Variants in MAP2K6 observed in about 807,000 individuals in gnomAD.
MAP2K6 encodes mitogen-activated protein kinase kinase 6.
A neutral mutation model predicts 53.7 loss-of-function variants in MAP2K6; 16 were observed. The observed-to-expected ratio is 0.30, with a 90% CI of 0.20 to 0.45. The LOEUF (loss-of-function observed/expected upper bound fraction) is 0.45, where lower values mean the gene tolerates loss of function less well. Among genes scored for constraint, MAP2K6 ranks in the 20% least tolerant of loss-of-function variants. The probability of loss-of-function intolerance (pLI) is 1.00; values close to 1 mark genes in which losing one functional copy is unlikely to be tolerated. For synonymous variants in MAP2K6, 132 were observed against 143.1 expected, an observed-to-expected ratio of 0.92 and a Z score of 0.55; for missense variants, 204 against 411.9, an observed-to-expected ratio of 0.50 and a Z score of 4.37.
At chr17:69,530,597 A>G (rs1911031504) in intron 10 of MAP2K6, among the ~76,000 whole-genome samples, 1 of 152,178 alleles carries the variant, frequency 6.6e-6, no homozygotes, top group South Asian at 2.1e-4. Context: ...CTTTTTCAGC[A>G]TGCAAGCTCT....
rs1489762735 is a variant in MAP2K6 at position 69,519,593 on chromosome 17, G to A, written c.366+161G>A. The A allele has an allele frequency of 1.6e-5, 12 of 747,010 alleles. No homozygotes were observed. In the Admixed American group the frequency reaches 2.9e-4, roughly 18 times the overall value. 46.3% of individuals were successfully genotyped at this position (747,010 alleles called of 1,614,324 possible). A position where few individuals can be genotyped will look rare whatever the true frequency, so the allele number is the denominator to read the frequency against. On this transcript the variant is annotated intron_variant, in intron 5 of 11. Coordinates refer to ENST00000590474, the MANE Select transcript of MAP2K6 (RefSeq NM_002758.4). ...CAATGATGACATGCCCTGGAGCAAG[G>A]TTGGATTGAAATTATGGTATTTTCA... is the stretch of plus-strand genomic sequence containing the variant.
At chr17:69,441,304 A>G (rs896473656) in intron 1 of MAP2K6, among the ~76,000 whole-genome samples, 1 of 151,992 alleles carries the variant, frequency 6.6e-6, no homozygotes, top group African/African-American at 2.4e-5. Flanking sequence ...TATGTCCCTG[A>G]AGATTTTTTT....
chr17:69,485,739 T>C (rs1214297227), intron 1 of MAP2K6, among the ~76,000 whole-genome samples: 1 of 152,178 alleles, frequency 6.6e-6, no homozygotes, highest in African/African-American at 2.4e-5. Context: ...ACCTGTCTCC[T>C]GTGTTCTTGA....
At chr17:69,487,988 T>C (rs1460133372) in intron 1 of MAP2K6, among the ~76,000 whole-genome samples, 1 of 152,124 alleles carries the variant, frequency 6.6e-6, no homozygotes, top group Non-Finnish European at 1.5e-5. Context: ...AGCTTCTGTA[T>C]AGCAAAAGAA....
At chr17:69,426,948 A>G (rs991307470) in intron 1 of MAP2K6, among the ~76,000 whole-genome samples, 11 of 152,228 alleles carry the variant, frequency 7.2e-5, no homozygotes, top group Admixed American at 2.0e-4. Context: ...GGAATATATC[A>G]TATCTCATAC....
At chr17:69,540,108 C>T (rs1448677922) in intron 11 of MAP2K6, among the ~76,000 whole-genome samples, 1 of 152,144 alleles carries the variant, frequency 6.6e-6, no homozygotes, top group Non-Finnish European at 1.5e-5. Flanking sequence ...TGTTCCTTTC[C>T]CATTTGCATT....
chr17:69,423,162 C>T (rs947902268), intron 1 of MAP2K6, among the ~76,000 whole-genome samples: 3 of 152,134 alleles, frequency 2.0e-5, no homozygotes, highest in Admixed American at 1.3e-4. Context: ...GGATTACAGG[C>T]GTGAGCCATC....
chr17:69,500,635 A>G (rs1267537678), intron 1 of MAP2K6, among the ~76,000 whole-genome samples: 1 of 151,928 alleles, frequency 6.6e-6, no homozygotes, highest in East Asian at 1.9e-4. Context: ...GGGCACCTGT[A>G]ATCCCAGCTA....
At chr17:69,513,906 G>C (rs928507475) in intron 2 of MAP2K6, among the ~76,000 whole-genome samples, 1 of 152,158 alleles carries the variant, frequency 6.6e-6, no homozygotes, top group Non-Finnish European at 1.5e-5. Flanking sequence ...CTTGAGGTCA[G>C]GAGTTTGAGA....
intron 1 of MAP2K6, among the ~76,000 whole-genome samples, chr17:69,488,644 T>C (rs1908635335): frequency 6.6e-6 from 1 of 152,124 alleles, no homozygotes; most frequent in African/African-American, 2.4e-5. Context: ...AGCAAGTCAG[T>C]GCAGGAACAG....
intron 4 of MAP2K6, among the ~76,000 whole-genome samples, chr17:69,519,047 A>G (rs1910325486): frequency 6.6e-6 from 1 of 152,232 alleles, no homozygotes; most frequent in Non-Finnish European, 1.5e-5. Context: ...TTGTTTTCAT[A>G]CCTTGGAAAT....
intron 9 of MAP2K6, among the ~76,000 whole-genome samples, chr17:69,525,561 C>G (rs1262494474): frequency 6.6e-6 from 1 of 152,184 alleles, no homozygotes; most frequent in African/African-American, 2.4e-5. Context: ...GGGGAGGCCT[C>G]ACGATCATGG....
chr17:69,507,124 A>G (rs1471158659), intron 2 of MAP2K6, among the ~76,000 whole-genome samples: 1 of 151,982 alleles, frequency 6.6e-6, no homozygotes, highest in Admixed American at 6.6e-5. Flanking sequence ...TACTTTTAAA[A>G]CTTTTTATTT....
At chr17:69,476,247 A>T (rs1333585229) in intron 1 of MAP2K6, among the ~76,000 whole-genome samples, 2 of 152,126 alleles carry the variant, frequency 1.3e-5, no homozygotes, top group Non-Finnish European at 2.9e-5. Flanking sequence ...AAGAAATGAG[A>T]TCCCAATAAC....
At chr17:69,471,240 G>A (rs574351305) in intron 1 of MAP2K6, among the ~76,000 whole-genome samples, 38 of 152,164 alleles carry the variant, frequency 2.5e-4, no homozygotes, top group Non-Finnish European at 5.3e-4. Flanking sequence ...CATTCAAAAT[G>A]TCAACTTTAC....
chr17:69,459,773 CA>C (rs1478373045), intron 1 of MAP2K6, among the ~76,000 whole-genome samples: 2 of 146,832 alleles, frequency 1.4e-5, no homozygotes, highest in African/African-American at 5.0e-5. Context: ...ACATAGATTG[CA>C]AGGTGTCTTT....
intron 1 of MAP2K6, among the ~76,000 whole-genome samples, chr17:69,486,917 T>C (rs1908561502): frequency 6.6e-6 from 1 of 152,192 alleles, no homozygotes; most frequent in Non-Finnish European, 1.5e-5. Context: ...GCCCAAACGT[T>C]TTCCATTTTA....
intron 1 of MAP2K6, among the ~76,000 whole-genome samples, chr17:69,476,442 C>T (rs1180214633): frequency 6.6e-6 from 1 of 152,206 alleles, no homozygotes; most frequent in Non-Finnish European, 1.5e-5. Context: ...CAGGCCAATC[C>T]AGTCTTCAGT....
intron 1 of MAP2K6, among the ~76,000 whole-genome samples, chr17:69,490,687 A>G (rs60663624): frequency 0.043 from 6,616 of 152,092 alleles, 425 homozygotes; most frequent in East Asian, 0.15. Context: ...ATTACCACAA[A>G]CTTGGTGGTT....
Sources: allele counts gnomAD v4.1 joint callset (sites outside exome capture counted in the v4.1 genomes callset), GRCh38; gene constraint gnomAD v4.1.1; transcripts MANE v1.5; gene names NCBI Gene and HGNC (gene_info 2026-07-23, HGNC 2026-07-21).